Variants in CLASP2 observed in about 807,000 individuals in gnomAD.
The protein encoded by CLASP2 is cytoplasmic linker associated protein 2.
CLASP2 carries 47 observed loss-of-function variants against 194.4 expected under a neutral mutation model. That is an observed-to-expected ratio of 0.24 (90% CI 0.19 to 0.31). The LOEUF is 0.31. Ranked by LOEUF, CLASP2 falls within the 10% of genes least tolerant of loss-of-function variation. CLASP2 has a pLI of 1.00. For missense variants in CLASP2, 1,445 were observed against 1,823.6 expected, an observed-to-expected ratio of 0.79 and a Z score of 3.78; for synonymous variants, 619 against 633.5, an observed-to-expected ratio of 0.98 and a Z score of 0.34.
rs930021771 is a variant in CLASP2, at chr3:33,498,317, A to G, written c.*314T>C. 1.4e-5 allele frequency: 3 copies of G among 213,390 alleles called. No individual in the cohort carries two copies. Among genetic ancestry groups the G allele is most frequent in the African/African-American group, 4.6e-5 (2 of 43,898 alleles). The allele number at this position is 213,390 out of a possible 1,614,324, so 13.2% of individuals were successfully genotyped here. A position where few individuals can be genotyped will look rare whatever the true frequency, so the allele number is the denominator to read the frequency against. ...AGCATTTAAAAAAATTTATACAATC[A>G]TAACACTGGCAAAGGTTAATGGGAA... On this transcript the variant is annotated 3_prime_UTR_variant, in exon 39 of 39. Coordinates refer to ENST00000682230, the MANE Select transcript of CLASP2 (RefSeq NM_001365631.1).
At chr3:33,527,950 G>A (rs1049929837) in intron 34 of CLASP2, among the ~76,000 whole-genome samples, 4 of 151,848 alleles carry the variant, frequency 2.6e-5, no homozygotes, top group South Asian at 2.1e-4. Context: ...GTGACAGAGC[G>A]AGACTGTCTC....
At chr3:33,533,299 G>C (rs1027411665) in intron 34 of CLASP2, among the ~76,000 whole-genome samples, 7 of 152,118 alleles carry the variant, frequency 4.6e-5, no homozygotes, top group African/African-American at 1.7e-4. Flanking sequence ...ACACATCAAA[G>C]TCTATAATTG....
chr3:33,557,865 A>C (rs899560118), intron 29 of CLASP2, among the ~76,000 whole-genome samples: 1 of 152,242 alleles, frequency 6.6e-6, no homozygotes, highest in Non-Finnish European at 1.5e-5. Context: ...AAGGAAAGTT[A>C]AGCTTGGGAA....
intron 8 of CLASP2, among the ~76,000 whole-genome samples, chr3:33,637,421 CT>C (rs1393065766): frequency 1.3e-5 from 2 of 152,096 alleles, no homozygotes; most frequent in Non-Finnish European, 2.9e-5. Flanking sequence ...GTAGTCCCAG[CT>C]ACTTGAAAGG....
At chr3:33,571,014 A>ATTTTT (rs1276472825) in intron 25 of CLASP2, among the ~76,000 whole-genome samples, 1 of 127,744 alleles carries the variant, frequency 7.8e-6, no homozygotes, top group Non-Finnish European at 1.7e-5. Context: ...TGTCTCTATA[A>ATTTTT]ATTTTTTTTT....
chr3:33,625,389 G>GTA (rs2077831487), intron 10 of CLASP2, among the ~76,000 whole-genome samples: 1 of 151,392 alleles, frequency 6.6e-6, no homozygotes, highest in African/African-American at 2.4e-5. Context: ...CACATTACAT[G>GTA]TATATATATT....
chr3:33,626,970 T>A lies in CLASP2; in HGVS notation c.1035+18A>T. The A allele has an allele frequency of 2.0e-6, 3 of 1,465,556 alleles. No homozygotes were observed. Among genetic ancestry groups the A allele is most frequent in the Non-Finnish European group, 2.8e-6 (3 of 1,072,770 alleles). 90.8% of individuals were successfully genotyped at this position (1,465,556 alleles called of 1,614,324 possible). A position where few individuals can be genotyped will look rare whatever the true frequency, so the allele number is the denominator to read the frequency against. On this transcript the variant is annotated intron_variant, in intron 10 of 38. Transcript: ENST00000682230. ...TCAATAAAGAAAGAAGATAAGAAAATTAAAGACAAAAACTTACTGCATTGG... is the reference window on the plus strand; with the variant it reads ...TCAATAAAGAAAGAAGATAAGAAAAATAAAGACAAAAACTTACTGCATTGG...
chr3:33,604,091 A>G (rs1386316402), intron 17 of CLASP2, 63 bp downstream of exon 17: 3 of 1,222,222 alleles, frequency 2.5e-6, no homozygotes, highest in Non-Finnish European at 2.3e-6. Flanking sequence ...ACATCAAAAG[A>G]GTTTGAAGGC....
chr3:33,523,366 A>G (rs752281097), intron 34 of CLASP2, among the ~76,000 whole-genome samples: 1 of 152,214 alleles, frequency 6.6e-6, no homozygotes, highest in Non-Finnish European at 1.5e-5. Context: ...ATCAAGACAC[A>G]TGATAATCAA....
chr3:33,640,396 TA>T (rs2081058486), intron 8 of CLASP2, among the ~76,000 whole-genome samples: 1 of 152,128 alleles, frequency 6.6e-6, no homozygotes, highest in African/African-American at 2.4e-5. Flanking sequence ...GAAAATATCA[TA>T]AAGATTAGTA....
At chr3:33,699,244 C>T (rs9840630) in intron 1 of CLASP2, among the ~76,000 whole-genome samples, 50,622 of 151,768 alleles carry the variant, frequency 0.33, 9,022 homozygotes, top group Admixed American at 0.45. Context: ...TGGGATAATA[C>T]TAAATTGCCC....
Position 33,536,657 on chromosome 3 carries a change from TGA to T in CLASP2, c.3559-1198_3559-1197del, listed in dbSNP as rs1485235871. ...GACCTCCTATAGAGTTGAGTGAGAG[TGA>T]GAGTGGACTATAGGAGGTCAAGGGC... On this transcript the variant is annotated intron_variant, in intron 33 of 38. Transcript: ENST00000682230. 3.3e-5 allele frequency among the ~76,000 whole-genome samples: 5 copies of T among 151,994 alleles called. No homozygotes were observed. The East Asian group carries it at 9.7e-4, about 29-fold the overall frequency.
At chr3:33,553,303 G>T (rs1428135407) in intron 29 of CLASP2, among the ~76,000 whole-genome samples, 1 of 152,012 alleles carries the variant, frequency 6.6e-6, no homozygotes, top group African/African-American at 2.4e-5. Flanking sequence ...ATTTTAAGAA[G>T]TATTTATAAT....
At chr3:33,592,952 T>C (rs957996300) in intron 20 of CLASP2, among the ~76,000 whole-genome samples, 1 of 152,198 alleles carries the variant, frequency 6.6e-6, no homozygotes, top group Non-Finnish European at 1.5e-5. Flanking sequence ...AAGGAAGAGA[T>C]ATAATTAGGC....
chr3:33,535,465 T>C lies in CLASP2; in HGVS notation c.3559-4A>G. On this transcript the variant is annotated splice_region_variant and splice_polypyrimidine_tract_variant and intron_variant, in intron 33 of 38. Coordinates refer to ENST00000682230, the MANE Select transcript of CLASP2 (RefSeq NM_001365631.1). ...ACATCCCAGGACCACCACACATCTA[T>C]CAATGGGAAGTGAAAGCCACAGCAA... 1 of 1,608,968 alleles carries C rather than the reference T, an allele frequency of 6.2e-7. No individual in the cohort carries two copies. The highest frequency in any genetic ancestry group is 1.7e-4 in the Middle Eastern group (1 of 6,046).
At chr3:33,693,870 A>C (rs914217398) in intron 2 of CLASP2, among the ~76,000 whole-genome samples, 7 of 152,242 alleles carry the variant, frequency 4.6e-5, no homozygotes, top group Admixed American at 4.6e-4. Flanking sequence ...CTATACATAC[A>C]TAAGAGTGTG....
At position 33,667,406 on chromosome 3, in the gene CLASP2, C is replaced by CAAAAAAAA. The variant is rs537846651; in HGVS notation, c.645-3899_645-3892dup. On this transcript the variant is annotated intron_variant, in intron 6 of 38. Transcript: ENST00000682230. ...CCTGGGTGACAGAGTGAGACTATCTCAAAAAAAAAAAAAAAAAAAAAAGAC... is the reference window on the plus strand; with the variant it reads ...CCTGGGTGACAGAGTGAGACTATCTCAAAAAAAAAAAAAAAAAAAAAAAAAAAAAAGAC... 9.4e-3 allele frequency among the ~76,000 whole-genome samples: 413 copies of CAAAAAAAA among 44,122 alleles called. 68 individuals carry two copies. The highest frequency in any genetic ancestry group is 0.036 in the African/African-American group (330 of 9,290). 28.9% of individuals were successfully genotyped at this position (44,122 alleles called of 152,430 possible).
chr3:33,527,823 C>T (rs1182263862), intron 34 of CLASP2, among the ~76,000 whole-genome samples: 1 of 152,020 alleles, frequency 6.6e-6, no homozygotes, highest in Admixed American at 6.6e-5. Context: ...ATTAGCCAGA[C>T]GTGGTGGCAT....
Position 33,584,689 on chromosome 3 carries a change from A to G in CLASP2, c.2239+61T>C. 3.5e-6 allele frequency: 5 copies of G among 1,421,070 alleles called. No individual in the cohort carries two copies. In the South Asian group the frequency reaches 5.9e-5, roughly 17 times the overall value. 88.0% of individuals were successfully genotyped at this position (1,421,070 alleles called of 1,614,324 possible). A position where few individuals can be genotyped will look rare whatever the true frequency, so the allele number is the denominator to read the frequency against. On this transcript the variant is annotated intron_variant, in intron 22 of 38. Transcript: ENST00000682230. ...ATTCCAAAGTCTTCAATGCTGCCAA[A>G]GCCTGAAAAAAAAAAAAAAAGGGTT...
Sources: allele counts gnomAD v4.1 joint callset (sites outside exome capture counted in the v4.1 genomes callset), GRCh38; gene constraint gnomAD v4.1.1; transcripts MANE v1.5; gene names NCBI Gene and HGNC (gene_info 2026-07-23, HGNC 2026-07-21).